The following YIPF4 variants were observed in gnomAD, a reference collection of about 807,000 sequenced individuals.
The protein encoded by YIPF4 is Yip1 domain family member 4, also known as protein YIPF4.
YIPF4 carries 18 observed loss-of-function variants against 29.4 expected under a neutral mutation model. The observed-to-expected ratio is 0.61, with a 90% CI of 0.42 to 0.91. The LOEUF (loss-of-function observed/expected upper bound fraction) is 0.91. Among genes scored for constraint, YIPF4 ranks in the 40% least tolerant of loss-of-function variants. YIPF4 has a pLI of 0.00. For synonymous variants in YIPF4, 115 were observed against 104.7 expected (o/e 1.10, Z -0.60); for missense variants, 279 against 282.7 (o/e 0.99, Z 0.09).
At chr2:32,293,123 G>A (rs1402815866) in intron 3 of YIPF4, among the ~76,000 whole-genome samples, 1 of 150,850 alleles carries the variant, frequency 6.6e-6, no homozygotes, top group Non-Finnish European at 1.5e-5. Context: ...TTCTCGCAGA[G>A]GGGGATTTGG....
intron 1 of YIPF4, among the ~76,000 whole-genome samples, chr2:32,286,732 G>C (rs939492844): frequency 1.3e-5 from 2 of 152,026 alleles, no homozygotes; most frequent in African/African-American, 4.8e-5. Context: ...TTTTAGTAGA[G>C]ACAGGGTTTT....
At chr2:32,294,332 G>T (rs1005397784) in intron 3 of YIPF4, among the ~76,000 whole-genome samples, 3 of 150,032 alleles carry the variant, frequency 2.0e-5, no homozygotes, top group African/African-American at 7.4e-5. Flanking sequence ...CGGGCGGACG[G>T]GCTCCTCACT....
chr2:32,293,027 CT>C (rs201766729), intron 3 of YIPF4, among the ~76,000 whole-genome samples: 1,676 of 149,618 alleles, frequency 0.011, 25 homozygotes, highest in African/African-American at 0.037. Context: ...TATTTCTTAC[CT>C]TTTTTTTGAT....
In YIPF4 at chr2:32,306,553, T is replaced by C. The variant is rs995446559; in HGVS notation, c.*927T>C. On this transcript the variant is annotated 3_prime_UTR_variant, in exon 6 of 6. Coordinates refer to ENST00000238831, the MANE Select transcript of YIPF4 (RefSeq NM_032312.4). ...ACAATGTTATATGAAGTAGAAAAAA[T>C]AAAATACTTCCCAGTTGTGTGTTTT... 8.1e-6 allele frequency: 8 copies of C among 985,110 alleles called. No individual in the cohort carries two copies. In the African/African-American group the frequency reaches 1.4e-4, roughly 17 times the overall value. The allele number at this position is 985,110 out of a possible 1,614,324, so 61.0% of individuals were successfully genotyped here.
At position 32,313,250 on chromosome 2, in the gene YIPF4, G is replaced by C. The variant is rs1484032918; in HGVS notation, c.*7624G>C. The C allele has an allele frequency of 1.3e-5, 2 of 152,194 alleles. No individual in the cohort carries two copies. The highest frequency in any genetic ancestry group is 6.5e-5 in the Admixed American group (1 of 15,280). 9.4% of individuals were successfully genotyped at this position (152,194 alleles called of 1,614,324 possible). On this transcript the variant is annotated 3_prime_UTR_variant, in exon 6 of 6. Transcript: ENST00000238831. ...TTTCAGATAGAATCGCAGTTTGTGA[G>C]TTTGCTTGGGGAAAAAAATTTAAAA...
chr2:32,299,630 C>T (rs1350972710), intron 4 of YIPF4, among the ~76,000 whole-genome samples: 1 of 150,222 alleles, frequency 6.7e-6, no homozygotes, highest in Non-Finnish European at 1.5e-5. Flanking sequence ...CAATACCAGC[C>T]TGGGCAACGT....
chr2:32,280,410 T>G (rs1420660149), intron 1 of YIPF4, among the ~76,000 whole-genome samples: 1 of 136,280 alleles, frequency 7.3e-6, no homozygotes, highest in African/African-American at 2.8e-5. Flanking sequence ...GACAGAGTCT[T>G]GCTCTGTCGC....
rs1212289873 is a variant in YIPF4, at chr2:32,310,788, A to G, written c.*5162A>G. On this transcript the variant is annotated 3_prime_UTR_variant, in exon 6 of 6. Coordinates refer to ENST00000238831, the MANE Select transcript of YIPF4 (RefSeq NM_032312.4). Reference sequence around the variant, plus strand: ...ACTCAGGAGGCTGTGAGGCAGGAGAATTGCTTGAGCCTGGGAGGTTGAGGC... The same window carrying G: ...ACTCAGGAGGCTGTGAGGCAGGAGAGTTGCTTGAGCCTGGGAGGTTGAGGC... The G allele has an allele frequency of 3.3e-5, 5 of 152,156 alleles. No homozygotes were observed. Among genetic ancestry groups the G allele is most frequent in the Admixed American group, 3.3e-4 (5 of 15,250 alleles). 9.4% of individuals were successfully genotyped at this position (152,156 alleles called of 1,614,324 possible).
intron 3 of YIPF4, among the ~76,000 whole-genome samples, chr2:32,295,193 C>T (rs2031131134): frequency 6.6e-6 from 1 of 152,156 alleles, no homozygotes; most frequent in South Asian, 2.1e-4. Flanking sequence ...ATTTTAATCC[C>T]TTTGTCCTAC....
intron 1 of YIPF4, among the ~76,000 whole-genome samples, chr2:32,284,342 G>C (rs2148958428): frequency 6.6e-6 from 1 of 152,312 alleles, no homozygotes; most frequent in Non-Finnish European, 1.5e-5. Context: ...TTAAGCGAGT[G>C]TAATGGTTTG....
Position 32,315,156 on chromosome 2 carries a change from C to T in YIPF4, c.*9530C>T, listed in dbSNP as rs1305447386. On this transcript the variant is annotated 3_prime_UTR_variant, in exon 6 of 6. Coordinates refer to ENST00000238831, the MANE Select transcript of YIPF4 (RefSeq NM_032312.4). ...CATTGTCTCAGAAAAGTTATTTCAC[C>T]TCTAAGTATTACATCTACATTTCAA... 6.6e-6 allele frequency: 1 copy of T among 152,086 alleles called. No homozygotes were observed. Among genetic ancestry groups the T allele is most frequent in the African/African-American group, 2.4e-5 (1 of 41,416 alleles). 9.4% of individuals were successfully genotyped at this position (152,086 alleles called of 1,614,324 possible).
At chr2:32,294,992 G>T (rs886783640) in intron 3 of YIPF4, among the ~76,000 whole-genome samples, 1 of 150,026 alleles carries the variant, frequency 6.7e-6, no homozygotes, top group African/African-American at 2.4e-5. Flanking sequence ...AGGCAGGGAG[G>T]TTGCAGTGAG....
chr2:32,311,146 G>A lies in YIPF4; in HGVS notation c.*5520G>A, dbSNP rs2031708904. The stretch of plus-strand genomic sequence containing the variant: ...ACTGCACTCCAGCCTGGGCAACATA[G>A]TAAGTAAGACCTTGTCTCTTAAAAA... On this transcript the variant is annotated 3_prime_UTR_variant, in exon 6 of 6. Transcript: ENST00000238831. The A allele has an allele frequency of 6.6e-6, 1 of 152,074 alleles. No homozygotes were observed. Among genetic ancestry groups the A allele is most frequent in the Non-Finnish European group, 1.5e-5 (1 of 68,008 alleles). 9.4% of individuals were successfully genotyped at this position (152,074 alleles called of 1,614,324 possible).
chr2:32,293,066 A>T (rs1359706296), intron 3 of YIPF4, among the ~76,000 whole-genome samples: 13 of 143,864 alleles, frequency 9.0e-5, no homozygotes, highest in South Asian at 4.4e-4. Context: ...TTATTTTTTT[A>T]TTTTTATTTA....
Position 32,316,346 on chromosome 2 carries a change from TA to T in YIPF4, c.*10721del, listed in dbSNP as rs1225108913. On this transcript the variant is annotated 3_prime_UTR_variant, in exon 6 of 6. Coordinates refer to ENST00000238831, the MANE Select transcript of YIPF4 (RefSeq NM_032312.4). Reference sequence around the variant, plus strand: ...AGGGGAGGGTAAAAAGACCAACTAATATATGTAAAGATGCACAAATTCATTC... The same window carrying T: ...AGGGGAGGGTAAAAAGACCAACTAATTATGTAAAGATGCACAAATTCATTC... 1 of 152,164 alleles carries T rather than the reference TA, an allele frequency of 6.6e-6. No individual in the cohort carries two copies. The highest frequency in any genetic ancestry group is 2.4e-5 in the African/African-American group (1 of 41,438). The allele number at this position is 152,164 out of a possible 1,614,324, so 9.4% of individuals were successfully genotyped here.
rs562634798 is a variant in YIPF4 at position 32,282,789 on chromosome 2, A to C, written c.79+4555A>C. Among the ~76,000 whole-genome samples, 340 of 151,824 alleles carry C rather than the reference A, an allele frequency of 2.2e-3. 2 individuals are homozygous for C. Among genetic ancestry groups the C allele is most frequent in the African/African-American group, 8.0e-3 (330 of 41,478 alleles). On this transcript the variant is annotated intron_variant, in intron 1 of 5. Transcript: ENST00000238831. ...ATACAAATTGGGAATAAGAATACCCAAGTGCAGGCCAGGTGGGTGGCTCAC... is the reference window on the plus strand; with the variant it reads ...ATACAAATTGGGAATAAGAATACCCCAGTGCAGGCCAGGTGGGTGGCTCAC...
At chr2:32,298,388 G>C (rs1646662222) in intron 4 of YIPF4, 77 bp downstream of exon 4, 4 of 1,084,566 alleles carry the variant, frequency 3.7e-6, no homozygotes, top group Non-Finnish European at 5.5e-6. Flanking sequence ...ATCATCATTA[G>C]CTATACAAGA....
In YIPF4 at chr2:32,307,369, A is replaced by T. The variant is rs1354715942; in HGVS notation, c.*1743A>T. On this transcript the variant is annotated 3_prime_UTR_variant, in exon 6 of 6. Coordinates refer to ENST00000238831, the MANE Select transcript of YIPF4 (RefSeq NM_032312.4). The stretch of plus-strand genomic sequence containing the variant: ...ATGAAGGTATTTTAAGATCACCTCT[A>T]TTAAAAAATGGTTTAATTTTTAAAA... The T allele has an allele frequency of 5.5e-6, 1 of 183,118 alleles. No individual in the cohort carries two copies. The highest frequency in any genetic ancestry group is 1.2e-5 in the Non-Finnish European group (1 of 80,826). The allele number at this position is 183,118 out of a possible 1,614,324, so 11.3% of individuals were successfully genotyped here.
Position 32,313,600 on chromosome 2 carries a change from C to G in YIPF4, c.*7974C>G, listed in dbSNP as rs924027439. On this transcript the variant is annotated 3_prime_UTR_variant, in exon 6 of 6. Coordinates refer to ENST00000238831, the MANE Select transcript of YIPF4 (RefSeq NM_032312.4). ...AAGCGGGTCTTGAACTCCCAACCTC[C>G]GGTGATCTGCCCACCTCAACCTCCC... 6.6e-6 allele frequency: 1 copy of G among 152,148 alleles called. No individual in the cohort carries two copies. The highest frequency in any genetic ancestry group is 1.5e-5 in the Non-Finnish European group (1 of 68,072). The allele number at this position is 152,148 out of a possible 1,614,324, so 9.4% of individuals were successfully genotyped here. A position where few individuals can be genotyped will look rare whatever the true frequency, so the allele number is the denominator to read the frequency against.
Sources: allele counts gnomAD v4.1 joint callset (sites outside exome capture counted in the v4.1 genomes callset), GRCh38; gene constraint gnomAD v4.1.1; transcripts MANE v1.5; gene names NCBI Gene and HGNC (gene_info 2026-07-23, HGNC 2026-07-21).